AOC1: variants seen among roughly 807,000 people sequenced by gnomAD.
AOC1 encodes amine oxidase copper containing 1, also known as diamine oxidase [copper-containing].
Under a neutral mutation model 57.1 loss-of-function variants are expected in AOC1, and 58 were observed. The ratio of observed to expected loss-of-function variants is 1.02; its 90% CI spans 0.82 to 1.26. The LOEUF is 1.26. Among genes scored for constraint, AOC1 ranks in the 50% most tolerant of loss-of-function variants. AOC1 has a pLI of 0.00. For missense variants in AOC1, 917 were observed against 1,005.3 expected (o/e 0.91, Z 1.19); for synonymous variants, 401 against 423.4 (o/e 0.95, Z 0.65).
intron 2 of AOC1, 112 bp from the exon 3 acceptor site, chr7:150,858,651 T>G (rs1036978577): frequency 1.7e-6 from 2 of 1,202,378 alleles, no homozygotes; most frequent in Non-Finnish European, 2.3e-6. Context: ...TCCCGGTTAT[T>G]CAAGACAGTT....
At position 150,857,166 on chromosome 7, in the gene AOC1, C is replaced by A; in HGVS notation, c.696C>A (p.Ala232=). 1 of 1,613,838 alleles carries A rather than the reference C, an allele frequency of 6.2e-7. No individual in the cohort carries two copies. The highest frequency in any genetic ancestry group is 1.1e-5 in the South Asian group (1 of 91,062). Residue 232 remains alanine, a synonymous_variant, in exon 2 of 5, where the codon GCC becomes GCA. Coordinates refer to ENST00000360937, the MANE Select transcript of AOC1 (RefSeq NM_001091.4). This position sits in a 1 kb window ranked among gnomAD's most constrained non-coding sequence, Gnocchi z 6.6. ...DHGSTDAGHW[A]VEQVWYNGKF... The stretch of plus-strand genomic sequence containing the variant: ...GGAGCACAGATGCTGGGCACTGGGC[C>A]GTGGAGCAGGTGTGGTACAACGGGA...
intron 1 of AOC1, among the ~76,000 whole-genome samples, chr7:150,854,972 C>T (rs548319138): frequency 1.1e-4 from 16 of 152,294 alleles, no homozygotes; most frequent in Admixed American, 4.6e-4. Flanking sequence ...CACAGGAGAA[C>T]GAGTTTTCTC....
At chr7:150,859,100 G>A (rs1436035861) in intron 3 of AOC1, 52 bp downstream of exon 3, 3 of 1,471,412 alleles carry the variant, frequency 2.0e-6, no homozygotes, top group Non-Finnish European at 2.7e-6. Flanking sequence ...CCCTCAGTGT[G>A]TGTGTCTGTG....
In AOC1 at chr7:150,856,768, G is replaced by A. The variant is rs577618065; in HGVS notation, c.298G>A (p.Val100Ile). The A allele has an allele frequency of 3.8e-5, 62 of 1,614,128 alleles. No homozygotes were observed. In the Admixed American group the frequency reaches 6.0e-4, roughly 16 times the overall value. The change falls in exon 2 of 5, where the codon GTC (valine) becomes ATC (isoleucine). Residue 100 changes from valine (V) to isoleucine (I), a missense_variant. Transcript: ENST00000360937. This position sits in a 1 kb window ranked among gnomAD's most constrained non-coding sequence, Gnocchi z 5.2. Reference protein sequence around the residue: ...ERHPVREARAVIFFGDQEHPN... With the variant: ...ERHPVREARAIIFFGDQEHPN... ...GCATCCTGTGCGGGAAGCCCGTGCCGTCATCTTCTTTGGTGACCAGGAGCA... is the reference window on the plus strand; with the variant it reads ...GCATCCTGTGCGGGAAGCCCGTGCCATCATCTTCTTTGGTGACCAGGAGCA...
In AOC1 at chr7:150,861,293, C is replaced by G; in HGVS notation, c.*84C>G. ...GACAATAAACCCTCAGAGCCTCGCT[C>G]TGTGTGCTGCTTCTTGCGGGGAGGC... On this transcript the variant is annotated 3_prime_UTR_variant, in exon 5 of 5. Coordinates refer to ENST00000360937, the MANE Select transcript of AOC1 (RefSeq NM_001091.4). This position sits in a 1 kb window ranked among gnomAD's most constrained non-coding sequence, Gnocchi z 4.5. The G allele has an allele frequency of 8.4e-6, 12 of 1,427,262 alleles. No homozygotes were observed. The highest frequency in any genetic ancestry group is 1.1e-5 in the Non-Finnish European group (12 of 1,069,520). The allele number at this position is 1,427,262 out of a possible 1,614,324, so 88.4% of individuals were successfully genotyped here.
chr7:150,857,431 G>A lies in AOC1; in HGVS notation c.961G>A (p.Gly321Ser), dbSNP rs747999132. Residue 321 changes from glycine (G) to serine (S), a missense_variant, in exon 2 of 5, where the codon GGC becomes AGC. By Grantham distance (56) the Gly-to-Ser change is moderately conservative. Transcript: ENST00000360937. The surrounding 1 kb of genome is among the most constrained non-coding windows in gnomAD (Gnocchi z 6.6). ...RLEGNAVLYG[G>S]WSFAFRLRSS... is the part of the protein sequence containing the mutation. Reference sequence around the variant, plus strand: ...GGAGGGCAACGCTGTGCTCTACGGCGGCTGGAGCTTTGCCTTCCGGCTGCG... The same window carrying A: ...GGAGGGCAACGCTGTGCTCTACGGCAGCTGGAGCTTTGCCTTCCGGCTGCG... The A allele has an allele frequency of 1.6e-5, 25 of 1,611,176 alleles. No individual in the cohort carries two copies. Among genetic ancestry groups the A allele is most frequent in the Admixed American group, 6.7e-5 (4 of 60,000 alleles).
At chr7:150,860,709 C>A in intron 4 of AOC1, 76 bp downstream of exon 4, 2 of 1,535,160 alleles carry the variant, frequency 1.3e-6, no homozygotes, top group African/African-American at 1.4e-5. Flanking sequence ...TCCTCATCAC[C>A]ATCAGGGAGT....
chr7:150,853,023 T>G (rs1036877479), intron 1 of AOC1, among the ~76,000 whole-genome samples: 7 of 152,102 alleles, frequency 4.6e-5, no homozygotes, highest in African/African-American at 1.7e-4. Context: ...GAAGCCAATC[T>G]GAAAAGGCTG....
intron 2 of AOC1, 151 bp downstream of exon 2, chr7:150,858,191 G>A (rs1462291803): frequency 3.4e-6 from 4 of 1,174,426 alleles, no homozygotes; most frequent in South Asian, 1.7e-5. Context: ...AGAAATTTGT[G>A]TGTCCCTGAA....
Position 150,857,221 on chromosome 7 carries a change from CG to C in AOC1, c.753del (p.Lys252SerfsTer46). 6.2e-7 allele frequency: 1 copy of C among 1,612,594 alleles called. No individual in the cohort carries two copies. Among genetic ancestry groups the C allele is most frequent in the Admixed American group, 1.7e-5 (1 of 59,916 alleles). On this transcript the variant is annotated frameshift_variant, in exon 2 of 5. Transcript: ENST00000360937. LOFTEE classifies it high-confidence loss of function. This position sits in a 1 kb window ranked among gnomAD's most constrained non-coding sequence, Gnocchi z 6.6. Reference sequence around the variant, plus strand: ...CTATGGGAGCCCAGAGGAACTGGCTCGGAAGTATGCAGATGGAGAGGTGGAC... The same window carrying C: ...CTATGGGAGCCCAGAGGAACTGGCTCGAAGTATGCAGATGGAGAGGTGGAC... ...KFYGSPEELA[R>X]KYADGEVDVV...
At position 150,857,750 on chromosome 7, in the gene AOC1, T is replaced by G; in HGVS notation, c.1280T>G (p.Leu427Arg). 3 of 1,614,218 alleles carry G rather than the reference T, an allele frequency of 1.9e-6. No individual in the cohort carries two copies. Among genetic ancestry groups the G allele is most frequent in the Non-Finnish European group, 2.5e-6 (3 of 1,180,000 alleles). The part of the protein sequence containing the change: ...CLFEMPTGVP[L>R]RRHFNSNFKG... ...TTTGAAATGCCCACAGGGGTGCCCC[T>G]TCGGCGGCACTTTAATTCCAACTTT... Residue 427 changes from leucine to arginine, a missense_variant, in exon 2 of 5, where the codon CTT (leucine) becomes CGT (arginine). By Grantham distance (102) the Leu-to-Arg change is moderately radical. Coordinates refer to ENST00000360937, the MANE Select transcript of AOC1 (RefSeq NM_001091.4). The surrounding 1 kb of genome is among the most constrained non-coding windows in gnomAD (Gnocchi z 6.6).
chr7:150,858,827 A>G lies in AOC1; in HGVS notation c.1635A>G (p.Pro545=), dbSNP rs10893. The stretch of plus-strand genomic sequence containing the variant: ...AAAACATCACCAACCCCTGGAGCCC[A>G]AGACACCGCGTGGTCCAGCCAACTC... The part of the protein sequence containing the change: ...KLENITNPWS[P]RHRVVQPTLE... The change falls in exon 3 of 5, where the codon CCA becomes CCG. Residue 545 remains proline, a synonymous_variant. Coordinates refer to ENST00000360937, the MANE Select transcript of AOC1 (RefSeq NM_001091.4). 543,516 of 1,612,818 alleles carry G rather than the reference A, an allele frequency of 0.34. 97,321 individuals are homozygous for G. Among genetic ancestry groups the G allele is most frequent in the East Asian group, 0.53 (23,935 of 44,814 alleles).
At chr7:150,859,207 G>A (rs1401515397) in intron 3 of AOC1, among the ~76,000 whole-genome samples, 159 bp downstream of exon 3, 1 of 151,994 alleles carries the variant, frequency 6.6e-6, no homozygotes, top group Non-Finnish European at 1.5e-5. Context: ...TGAACAATAT[G>A]GGGGGTAGGG....
In AOC1 at chr7:150,857,275, G is replaced by A. The variant is rs753156814; in HGVS notation, c.805G>A (p.Gly269Arg). 6.2e-7 allele frequency: 1 copy of A among 1,608,048 alleles called. No homozygotes were observed. Among genetic ancestry groups the A allele is most frequent in the South Asian group, 1.1e-5 (1 of 89,954 alleles). Residue 269 changes from glycine (G) to arginine (R), a missense_variant, in exon 2 of 5, where the codon GGG (glycine) becomes AGG (arginine). Transcript: ENST00000360937. The surrounding 1 kb of genome is among the most constrained non-coding windows in gnomAD (Gnocchi z 6.6). ...DVVVLEDPLP[G>R]GKGHDSTEEP... is the part of the protein sequence containing the mutation. ...GGTGGTCCTGGAGGACCCGCTGCCT[G>A]GGGGCAAGGGGCATGACAGCACAGA...
At chr7:150,858,254 C>G (rs1799855852) in intron 2 of AOC1, among the ~76,000 whole-genome samples, 1 of 152,138 alleles carries the variant, frequency 6.6e-6, no homozygotes, top group Non-Finnish European at 1.5e-5. Context: ...ACAGTGTGGA[C>G]CCTGTCCTGA....
chr7:150,860,843 A>G, intron 4 of AOC1, 100 bp from the exon 5 acceptor site: 1 of 1,487,532 alleles, frequency 6.7e-7, no homozygotes, highest in South Asian at 1.3e-5. Flanking sequence ...AGAGGAATTC[A>G]GCAAGTTTCC....
Position 150,856,576 on chromosome 7 carries a change from C to T in AOC1, c.106C>T (p.Leu36=). The change falls in exon 2 of 5, where the codon CTA becomes TTA. Residue 36 remains leucine, a synonymous_variant. Transcript: ENST00000360937. The surrounding 1 kb of genome is among the most constrained non-coding windows in gnomAD (Gnocchi z 5.2). ...LPRKAGVFSD[L]SNQELKAVHS... The stretch of plus-strand genomic sequence containing the variant: ...CAGGAAGGCAGGGGTGTTTTCAGAC[C>T]TAAGCAACCAAGAGCTGAAGGCAGT... 6.2e-7 allele frequency: 1 copy of T among 1,614,100 alleles called. No homozygotes were observed. The highest frequency in any genetic ancestry group is 1.1e-5 in the South Asian group (1 of 91,076).
At position 150,859,011 on chromosome 7, in the gene AOC1, C is replaced by T; in HGVS notation, c.1819C>T (p.Pro607Ser). 2 of 1,588,340 alleles carry T rather than the reference C, an allele frequency of 1.3e-6. No homozygotes were observed. Among genetic ancestry groups the T allele is most frequent in the Non-Finnish European group, 1.7e-6 (2 of 1,161,780 alleles). The change falls in exon 3 of 5, where the codon CCA becomes TCA. Residue 607 changes from proline to serine, a missense_variant. By Grantham distance (74) the Pro-to-Ser change is moderately conservative (BLOSUM62 -1). Coordinates refer to ENST00000360937, the MANE Select transcript of AOC1 (RefSeq NM_001091.4). ...CTCCATGGCCGACCAGGTGCTGCCC[C>T]CAGGCTGGCAGGAGGAGCAGGCCAT... is the stretch of plus-strand genomic sequence containing the variant. ...IHSMADQVLPPGWQEEQAITW... is the reference protein window; with the variant it reads ...IHSMADQVLPSGWQEEQAITW...
chr7:150,860,659 C>G (rs367857181), intron 4 of AOC1, 26 bp downstream of exon 4: 152 of 1,609,662 alleles, frequency 9.4e-5, no homozygotes, highest in Non-Finnish European at 1.2e-4. Context: ...CAGCCCTGCC[C>G]GGTGCTGGCC....
Sources: allele counts gnomAD v4.1 joint callset (sites outside exome capture counted in the v4.1 genomes callset), GRCh38; gene constraint gnomAD v4.1.1; non-coding constraint Gnocchi (gnomAD v3.1); transcripts MANE v1.5; gene names NCBI Gene and HGNC (gene_info 2026-07-23, HGNC 2026-07-21).